NBPF8: variants seen among roughly 807,000 people sequenced by gnomAD.
NBPF8 encodes the protein NBPF family member NBPF8.
Position 120,452,105 on chromosome 1 carries a change from G to A in NBPF8, n.2075-12G>A, listed in dbSNP as rs1553248919. The A allele has an allele frequency of 2.2e-4, 343 of 1,533,004 alleles. 3 individuals are homozygous for A. The East Asian group carries it at 2.3e-3, about 10-fold the overall frequency. 95.0% of individuals were successfully genotyped at this position (1,533,004 alleles called of 1,614,324 possible). On this transcript the variant is annotated splice_polypyrimidine_tract_variant and intron_variant and non_coding_transcript_variant, in intron 12 of 24. Transcript: ENST00000583271. ...TTTCCACTCTTAAATTTTCTCTACCGTCTCACCTTAGGCAATATAAAGTCC... is the reference window on the plus strand; with the variant it reads ...TTTCCACTCTTAAATTTTCTCTACCATCTCACCTTAGGCAATATAAAGTCC...
chr1:120,467,704 A>AT (rs1221626044), exon 25 of NBPF8: 2 of 151,634 alleles, frequency 1.3e-5, no homozygotes, highest in East Asian at 3.9e-4. Context: ...TCCAAAGTTA[A>AT]TTTTAATCTA....
intron 11 of NBPF8, among the ~76,000 whole-genome samples, chr1:120,450,179 GT>G (rs1661223410): frequency 6.6e-6 from 1 of 151,988 alleles, no homozygotes; most frequent in African/African-American, 2.4e-5. Flanking sequence ...GTGAGCCAAG[GT>G]TTTGCCATTG....
upstream of NBPF8, chr1:120,432,164 G>T (rs1179858678): frequency 8.3e-5 from 12 of 143,928 alleles, no homozygotes; most frequent in Admixed American, 2.9e-4. Context: ...AATCACAGAG[G>T]TTTGGAGAGT....
At chr1:120,425,280 C>T (rs1473094530) in intron 1 of NBPF8, among the ~76,000 whole-genome samples, 6 of 151,990 alleles carry the variant, frequency 3.9e-5, no homozygotes, top group East Asian at 1.9e-4. Context: ...TGGAATGTCT[C>T]GGTGTAAAGC....
intron 3 of NBPF8, among the ~76,000 whole-genome samples, chr1:120,429,402 G>A (rs1271198665): frequency 2.0e-5 from 3 of 152,026 alleles, no homozygotes; most frequent in Non-Finnish European, 4.4e-5. Flanking sequence ...TGCGTGTAAA[G>A]GTCCTGTGGC....
chr1:120,460,868 T>G (rs1661565194), intron 18 of NBPF8, among the ~76,000 whole-genome samples: 1 of 151,996 alleles, frequency 6.6e-6, no homozygotes, highest in Non-Finnish European at 1.5e-5. Context: ...TCATGGTAAC[T>G]GCAGGGAAAC....
intron 1 of NBPF8, among the ~76,000 whole-genome samples, chr1:120,421,172 G>A (rs1300316628): frequency 6.6e-6 from 1 of 152,118 alleles, no homozygotes; most frequent in East Asian, 1.9e-4. Flanking sequence ...GCAACAGTGG[G>A]CCAGAGGAAT....
At chr1:120,424,814 A>T (rs1341972261) in intron 1 of NBPF8, among the ~76,000 whole-genome samples, 1 of 134,866 alleles carries the variant, frequency 7.4e-6, no homozygotes, top group African/African-American at 2.9e-5. Context: ...TAGACATAAG[A>T]GACTCCATTT....
chr1:120,464,680 G>A (rs1206969889), intron 23 of NBPF8, 132 bp downstream of exon 21: 8 of 594,926 alleles, frequency 1.3e-5, no homozygotes, highest in Non-Finnish European at 2.1e-5. Flanking sequence ...GCACATGTAG[G>A]TTGAATGAAA....
upstream of NBPF8, chr1:120,433,496 A>G (rs2101589650): frequency 6.5e-6 from 1 of 153,416 alleles, no homozygotes. Context: ...GGGTGGGGGA[A>G]GGTGTCTGTC....
At chr1:120,433,408 T>A (rs1196030681), upstream of NBPF8, 11 of 152,702 alleles carry the variant, frequency 7.2e-5, no homozygotes, top group African/African-American at 2.4e-4. Context: ...GTTATTGATT[T>A]TTTTTAGTAG....
upstream of NBPF8, among the ~76,000 whole-genome samples, chr1:120,434,285 C>T (rs1257476556): frequency 1.4e-4 from 4 of 29,472 alleles, no homozygotes; most frequent in East Asian, 6.2e-4. Flanking sequence ...TGTATATACA[C>T]GTATTATATA....
intron 11 of NBPF8, among the ~76,000 whole-genome samples, chr1:120,450,096 A>T (rs587684032): frequency 2.6e-5 from 4 of 152,252 alleles, no homozygotes; most frequent in Non-Finnish European, 4.4e-5. Context: ...GCGTGGTGGC[A>T]GGTGACTGTA....
At chr1:120,455,274 C>A (rs1661403651) in intron 15 of NBPF8, 135 bp from the exon 14 acceptor site, 8 of 632,454 alleles carry the variant, frequency 1.3e-5, no homozygotes, top group Admixed American at 2.8e-5. Flanking sequence ...CTAGGACAAC[C>A]TAGAATATTC....
upstream of NBPF8, among the ~76,000 whole-genome samples, chr1:120,434,392 A>G (rs1370468354): frequency 7.1e-4 from 104 of 146,456 alleles, no homozygotes; most frequent in African/African-American, 2.5e-3. Flanking sequence ...TGTATATATA[A>G]TATATATACA....
At chr1:120,466,294 C>A in exon 25 of NBPF8, 9 of 1,578,758 alleles carry the variant, frequency 5.7e-6, no homozygotes, top group Non-Finnish European at 7.8e-6. Flanking sequence ...TTGAATGAAA[C>A]TATAGTTCCA....
chr1:120,422,957 AC>A (rs1660615039), intron 1 of NBPF8, among the ~76,000 whole-genome samples: 1 of 20,752 alleles, frequency 4.8e-5, no homozygotes, highest in Non-Finnish European at 7.6e-5. Flanking sequence ...CAGATCTTTC[AC>A]CTTTTTTTTT....
chr1:120,468,286 T>TAA (rs1207987128), downstream of NBPF8, among the ~76,000 whole-genome samples: 1 of 151,614 alleles, frequency 6.6e-6, no homozygotes, highest in Admixed American at 6.6e-5. Flanking sequence ...TGAAATATAT[T>TAA]AACGCTCATG....
exon 25 of NBPF8, chr1:120,466,131 C>T: frequency 6.2e-7 from 1 of 1,610,694 alleles, no homozygotes; most frequent in South Asian, 1.1e-5. Context: ...AGCACATCAG[C>T]TTTGCCCTTG....
Sources: gnomAD v4.1 joint callset for allele counts (sites outside exome capture counted in the v4.1 genomes callset) on GRCh38, gnomAD v4.1.1 for gene constraint, MANE v1.5 for transcripts, NCBI Gene and HGNC (gene_info 2026-07-23, HGNC 2026-07-21) for gene names.